PCK2: variants seen among roughly 807,000 people sequenced by gnomAD.
PCK2 encodes the protein phosphoenolpyruvate carboxykinase 2, mitochondrial.
In PCK2, 56 loss-of-function variants were observed where a neutral mutation model predicts 65.9. The observed-to-expected ratio is 0.85, with a 90% CI of 0.69 to 1.06. PCK2 has a LOEUF of 1.06. Among genes scored for constraint, PCK2 ranks in the 50% least tolerant of loss-of-function variants. The pLI is 0.00. For missense variants in PCK2, 843 were observed against 863.1 expected (o/e 0.98, Z 0.29); for synonymous variants, 305 against 319.6 (o/e 0.95, Z 0.49).
Position 24,096,906 on chromosome 14 carries a change from G to A in PCK2, c.44G>A (p.Gly15Glu), listed in dbSNP as rs780983675. Reference protein sequence around the residue: ...YRPGLRLNWHGLSPLGWPSCR... With the variant: ...YRPGLRLNWHELSPLGWPSCR... ...TTCTCCTATAGGCTTAACTGGCATG[G>A]GCTGAGCCCCTTGGGCTGGCCATCA... Residue 15 changes from glycine to glutamate, a missense_variant, in exon 2 of 10, where the codon GGG becomes GAG. By Grantham distance (98) the Gly-to-Glu change is moderately conservative. Coordinates refer to ENST00000216780, the MANE Select transcript of PCK2 (RefSeq NM_004563.4). 4 of 1,613,324 alleles carry A rather than the reference G, an allele frequency of 2.5e-6. No homozygotes were observed. In the South Asian group the frequency reaches 4.4e-5, roughly 18 times the overall value.
In PCK2 at chr14:24,103,241, C is replaced by CA; in HGVS notation, c.1455dup (p.Ala486SerfsTer53). 2 of 1,613,238 alleles carry CA rather than the reference C, an allele frequency of 1.2e-6. No individual in the cohort carries two copies. Among genetic ancestry groups the CA allele is most frequent in the Non-Finnish European group, 1.7e-6 (2 of 1,179,214 alleles). ...GCCATGCGCTCTGAGTCCACTGCTG[C>CA]AGCAGAACACAAAGGTGAGCACCCT... On this transcript the variant is annotated frameshift_variant, in exon 9 of 10. Coordinates refer to ENST00000216780, the MANE Select transcript of PCK2 (RefSeq NM_004563.4). LOFTEE classifies it high-confidence loss of function.
At chr14:24,099,969 T>A (rs2037090186) in intron 6 of PCK2, 26 bp from the exon 7 acceptor site, 1 of 1,614,070 alleles carries the variant, frequency 6.2e-7, no homozygotes, top group Non-Finnish European at 8.5e-7. Flanking sequence ...TGTTTGGTCC[T>A]TCCTTTCTTT....
At position 24,103,807 on chromosome 14, in the gene PCK2, C is replaced by A; in HGVS notation, c.1766C>A (p.Ala589Asp). Residue 589 changes from alanine (A) to aspartate (D), a missense_variant, in exon 10 of 10, where the codon GCT (alanine) becomes GAT (aspartate). Physicochemically the swap from Ala to Asp is moderately radical, Grantham distance 126. Coordinates refer to ENST00000216780, the MANE Select transcript of PCK2 (RefSeq NM_004563.4). ...EGALDLSGLRAIDTTQLFSLP... is the reference protein window; with the variant it reads ...EGALDLSGLRDIDTTQLFSLP... ...GCCTTGGATCTCAGCGGCCTCAGAG[C>A]TATAGACACCACTCAGCTGTTCTCC... The A allele has an allele frequency of 1.2e-6, 2 of 1,614,164 alleles. No homozygotes were observed. Among genetic ancestry groups the A allele is most frequent in the South Asian group, 1.1e-5 (1 of 91,078 alleles).
At position 24,103,207 on chromosome 14, in the gene PCK2, G is replaced by C. The variant is rs941090276; in HGVS notation, c.1420G>C (p.Val474Leu). ...EAFNWRHGVF[V>L]GSAMRSESTA... is the part of the protein sequence containing the mutation. Reference sequence around the variant, plus strand: ...CTTCAACTGGCGTCATGGGGTGTTTGTGGGCAGCGCCATGCGCTCTGAGTC... The same window carrying C: ...CTTCAACTGGCGTCATGGGGTGTTTCTGGGCAGCGCCATGCGCTCTGAGTC... The change falls in exon 9 of 10, where the codon GTG (valine) becomes CTG (leucine). Residue 474 changes from valine to leucine, a missense_variant. Transcript: ENST00000216780. The C allele has an allele frequency of 1.7e-5, 28 of 1,614,062 alleles. No homozygotes were observed. The highest frequency in any genetic ancestry group is 2.2e-5 in the Non-Finnish European group (26 of 1,180,006).
At position 24,099,683 on chromosome 14, in the gene PCK2, G is replaced by A; in HGVS notation, c.978G>A (p.Val326=). ...TGCCAGGCTGGAAAGTGGAGTGTGT[G>A]GGGGATGATATTGCTTGGATGAGGT... The part of the protein sequence containing the change: ...PALPGWKVEC[V]GDDIAWMRFD... Residue 326 remains valine, a synonymous_variant, in exon 6 of 10, where the codon GTG becomes GTA. Transcript: ENST00000216780. The A allele has an allele frequency of 6.2e-7, 1 of 1,613,780 alleles. No homozygotes were observed. The highest frequency in any genetic ancestry group is 1.7e-5 in the Admixed American group (1 of 60,012).
chr14:24,103,689 G>A lies in PCK2; in HGVS notation c.1648G>A (p.Glu550Lys). Residue 550 changes from glutamate (E) to lysine (K), a missense_variant, in exon 10 of 10, where the codon GAG (glutamate) becomes AAG (lysine). Coordinates refer to ENST00000216780, the MANE Select transcript of PCK2 (RefSeq NM_004563.4). ...AGHFLWPGFG[E>K]NARVLDWICR... ...GCACTTCCTGTGGCCAGGCTTTGGG[G>A]AGAATGCTCGGGTGCTAGACTGGAT... 6.2e-7 allele frequency: 1 copy of A among 1,614,230 alleles called. No homozygotes were observed.
rs753144679 is a variant in PCK2, at chr14:24,098,323, C to T, written c.396C>T (p.Gly132=). 2 of 1,614,012 alleles carry T rather than the reference C, an allele frequency of 1.2e-6. No individual in the cohort carries two copies. Among genetic ancestry groups the T allele is most frequent in the Non-Finnish European group, 1.7e-6 (2 of 1,179,926 alleles). ...CTGGTGGGGCCCGTGGGCAGCTGGG[C>T]AACTGGATGTCCCCAGCTGATTTCC... ...LPPGGARGQL[G]NWMSPADFQR... Residue 132 remains glycine, a synonymous_variant, in exon 3 of 10, where the codon GGC becomes GGT. Transcript: ENST00000216780.
At chr14:24,097,540 G>A (rs1241846819) in intron 2 of PCK2, among the ~76,000 whole-genome samples, 2 of 151,400 alleles carry the variant, frequency 1.3e-5, no homozygotes, top group Non-Finnish European at 2.9e-5. Context: ...CTCCAGCCTG[G>A]GCAATAAGAG....
In PCK2 at chr14:24,099,718, A is replaced by T; in HGVS notation, c.1013A>T (p.Glu338Val). The T allele has an allele frequency of 6.2e-7, 1 of 1,613,116 alleles. No homozygotes were observed. The highest frequency in any genetic ancestry group is 1.1e-5 in the South Asian group (1 of 91,058). ...DDIAWMRFDS[E>V]GRLRAINPEN... Reference sequence around the variant, plus strand: ...ATTGCTTGGATGAGGTTTGACAGTGAAGGTGAGGGACTCTCAGATCATACT... The same window carrying T: ...ATTGCTTGGATGAGGTTTGACAGTGTAGGTGAGGGACTCTCAGATCATACT... Residue 338 changes from glutamate (E) to valine (V), a missense_variant and splice_region_variant, in exon 6 of 10, where the codon GAA becomes GTA. By Grantham distance (121) the Glu-to-Val change is moderately radical. Coordinates refer to ENST00000216780, the MANE Select transcript of PCK2 (RefSeq NM_004563.4).
intron 7 of PCK2, among the ~76,000 whole-genome samples, chr14:24,101,391 C>G (rs2037156043): frequency 6.6e-6 from 1 of 152,164 alleles, no homozygotes; most frequent in South Asian, 2.1e-4. Context: ...CCAGGTCTGA[C>G]CAGCAACCTC....
At chr14:24,099,968 C>T (rs77978163) in intron 6 of PCK2, 27 bp from the exon 7 acceptor site, 19,441 of 1,614,074 alleles carry the variant, frequency 0.012, 150 homozygotes, top group Non-Finnish European at 0.014. Flanking sequence ...TTGTTTGGTC[C>T]TTCCTTTCTT....
Position 24,095,653 on chromosome 14 carries a change from T to C in PCK2, c.29+1219T>C, listed in dbSNP as rs577733071. Reference sequence around the variant, plus strand: ...CACGTGGTCCTGGGTGTGGGGGCAGTTTCTGATGGGCGAGGCCTTGATAGA... The same window carrying C: ...CACGTGGTCCTGGGTGTGGGGGCAGCTTCTGATGGGCGAGGCCTTGATAGA... On this transcript the variant is annotated intron_variant, in intron 1 of 9. Transcript: ENST00000216780. 2.4e-4 allele frequency among the ~76,000 whole-genome samples: 37 copies of C among 152,306 alleles called. 1 individual carries two copies. Among genetic ancestry groups the C allele is most frequent in the African/African-American group, 8.7e-4 (36 of 41,564 alleles).
chr14:24,100,072 G>A lies in PCK2; in HGVS notation c.1093G>A (p.Ala365Thr), dbSNP rs147217453. ...PGTSATTNPNAMATIQSNTIF... is the reference protein window; with the variant it reads ...PGTSATTNPNTMATIQSNTIF... Reference sequence around the variant, plus strand: ...TACCTCTGCCACCACCAATCCCAACGCCATGGCTACAATCCAGAGTAACAC... The same window carrying A: ...TACCTCTGCCACCACCAATCCCAACACCATGGCTACAATCCAGAGTAACAC... The change falls in exon 7 of 10, where the codon GCC becomes ACC. Residue 365 changes from alanine to threonine, a missense_variant. Transcript: ENST00000216780. The A allele has an allele frequency of 3.0e-5, 48 of 1,612,938 alleles. No homozygotes were observed. The highest frequency in any genetic ancestry group is 5.0e-5 in the Admixed American group (3 of 59,926).
intron 5 of PCK2, 30 bp from the exon 6 acceptor site, chr14:24,099,528 T>G (rs1441475970): frequency 6.5e-7 from 1 of 1,549,722 alleles, no homozygotes; most frequent in East Asian, 2.2e-5. Context: ...TGGTGACCTC[T>G]TTCTTATTCC....
At position 24,097,113 on chromosome 14, in the gene PCK2, G is replaced by A. The variant is rs112490159; in HGVS notation, c.251G>A (p.Arg84Gln). The A allele has an allele frequency of 2.0e-5, 32 of 1,613,956 alleles. No homozygotes were observed. Among genetic ancestry groups the A allele is most frequent in the East Asian group, 1.3e-4 (6 of 44,882 alleles). The change falls in exon 2 of 10, where the codon CGA becomes CAA. Residue 84 changes from arginine (R) to glutamine (Q), a missense_variant. By Grantham distance (43) the Arg-to-Gln change is conservative (BLOSUM62 1). Transcript: ENST00000216780. ...CTGCTGGAGCAGCAGGGCCTCATCC[G>A]AAAGCTCCCCAAGTACAATAACTGG... Reference protein sequence around the residue: ...LTLLEQQGLIRKLPKYNNCWL... With the variant: ...LTLLEQQGLIQKLPKYNNCWL...
Position 24,099,046 on chromosome 14 carries a change from C to A in PCK2, c.665-3C>A. ...AGCAGCCCCATGACCCCATTGTCCC[C>A]AGGGGAGCCAGTGAGCCAGTGGCCG... On this transcript the variant is annotated splice_region_variant and splice_polypyrimidine_tract_variant and intron_variant, in intron 4 of 9. Transcript: ENST00000216780. The A allele has an allele frequency of 6.3e-7, 1 of 1,597,868 alleles. No homozygotes were observed. Among genetic ancestry groups the A allele is most frequent in the Non-Finnish European group, 8.6e-7 (1 of 1,168,240 alleles).
Position 24,096,872 on chromosome 14 carries a change from T to A in PCK2, c.30-20T>A. 3 of 1,603,658 alleles carry A rather than the reference T, an allele frequency of 1.9e-6. No homozygotes were observed. The highest frequency in any genetic ancestry group is 2.6e-6 in the Non-Finnish European group (3 of 1,174,012). On this transcript the variant is annotated intron_variant, in intron 1 of 9. Transcript: ENST00000216780. ...CTCTCGATGACAGCAACTAGCTCAT[T>A]GCCTCTGTTTCTCCTATAGGCTTAA...
chr14:24,100,662 A>C, intron 7 of PCK2: 1 of 829,238 alleles, frequency 1.2e-6, no homozygotes, highest in Non-Finnish European at 1.5e-6. Flanking sequence ...AGTTTGGCCC[A>C]TTAGGAAAAG....
chr14:24,100,591 GA>G, intron 7 of PCK2: 1 of 1,082,142 alleles, frequency 9.2e-7, no homozygotes, highest in Non-Finnish European at 1.1e-6. Context: ...TTAATGAAAG[GA>G]AAAGGAAGGA....
Sources: allele counts gnomAD v4.1 joint callset (sites outside exome capture counted in the v4.1 genomes callset), GRCh38; gene constraint gnomAD v4.1.1; transcripts MANE v1.5; gene names NCBI Gene and HGNC (gene_info 2026-07-23, HGNC 2026-07-21).